The following METTL6 variants were observed in gnomAD, a reference collection of about 807,000 sequenced individuals.
METTL6 encodes the protein tRNA N(3)-cytidine methyltransferase METTL6.
A neutral mutation model predicts 26.4 loss-of-function variants in METTL6; 22 were observed. The ratio of observed to expected loss-of-function variants is 0.83; its 90% CI spans 0.59 to 1.19. METTL6 has a LOEUF of 1.19. Ranked by LOEUF, METTL6 falls within the 50% of genes most tolerant of loss-of-function variation. The pLI is 0.00. For synonymous variants in METTL6, 109 were observed against 116.2 expected (o/e 0.94, Z 0.40); for missense variants, 304 against 324.8 (o/e 0.94, Z 0.49).
At chr3:15,427,630 C>T, upstream of METTL6, 1 of 756,034 alleles carries the variant, frequency 1.3e-6, no homozygotes, top group Admixed American at 2.4e-5. Flanking sequence ...AGAGAACTTG[C>T]TTCTGGACCC....
chr3:15,399,945 AT>A (rs1250693753), intron 6 of METTL6, among the ~76,000 whole-genome samples: 1 of 152,176 alleles, frequency 6.6e-6, no homozygotes, highest in African/African-American at 2.4e-5. Flanking sequence ...TGTGAAAGAA[AT>A]TTATGAAAGA....
exon 7 of METTL6, chr3:15,382,848 A>T (rs893381156): frequency 6.6e-6 from 1 of 152,152 alleles, no homozygotes; most frequent in Non-Finnish European, 1.5e-5. Flanking sequence ...TGAACCTGGA[A>T]GATATTATGC....
intron 6 of METTL6, among the ~76,000 whole-genome samples, chr3:15,397,443 G>A (rs114631753): frequency 3.3e-5 from 5 of 152,098 alleles, no homozygotes; most frequent in African/African-American, 1.2e-4. Context: ...CCGGGGAGGC[G>A]ATGCCTCACC....
chr3:15,396,197 TTTC>T (rs1337185853), intron 6 of METTL6, among the ~76,000 whole-genome samples: 2 of 152,206 alleles, frequency 1.3e-5, no homozygotes, highest in Non-Finnish European at 2.9e-5. Flanking sequence ...TTCATTTCTT[TTTC>T]TTCTTTTTTC....
At chr3:15,399,619 A>G (rs1277444054) in intron 6 of METTL6, 1 of 151,332 alleles carries the variant, frequency 6.6e-6, no homozygotes, top group East Asian at 1.9e-4. Flanking sequence ...GGGTAGTCCT[A>G]GAAGTGTTAG....
Sources: gnomAD v4.1 joint callset for allele counts (sites outside exome capture counted in the v4.1 genomes callset) on GRCh38, gnomAD v4.1.1 for gene constraint, MANE v1.5 for transcripts, NCBI Gene and HGNC (gene_info 2026-07-23, HGNC 2026-07-21) for gene names.